DLG2: variants seen among roughly 807,000 people sequenced by gnomAD.
DLG2 encodes disks large homolog 2.
Under a neutral mutation model 132.5 loss-of-function variants are expected in DLG2, and 45 were observed. The observed-to-expected ratio is 0.34, with a 90% CI of 0.27 to 0.44. The LOEUF (loss-of-function observed/expected upper bound fraction) is 0.44. Ranked by LOEUF, DLG2 falls within the 20% of genes least tolerant of loss-of-function variation. DLG2 has a pLI of 1.00. For missense variants in DLG2, 1,045 were observed against 1,196.9 expected (o/e 0.87, Z 1.87); for synonymous variants, 424 against 419.6 (o/e 1.01, Z -0.13).
At chr11:83,935,571 T>C (rs2081265656) in intron 14 of DLG2, among the ~76,000 whole-genome samples, 1 of 152,182 alleles carries the variant, frequency 6.6e-6, no homozygotes, top group Non-Finnish European at 1.5e-5. Context: ...GGGATTGATC[T>C]AGGTGATTTG....
rs542531351 is a variant in DLG2 at position 85,595,314 on chromosome 11, T to C, written c.40+3343A>G. On this transcript the variant is annotated intron_variant, in intron 3 of 27. Transcript: ENST00000376104. ...TTGGAATATTAATGAACACTGATTATTATTATTTTATTTAGCTATTCTAAA... is the reference window on the plus strand; with the variant it reads ...TTGGAATATTAATGAACACTGATTACTATTATTTTATTTAGCTATTCTAAA... 5.3e-5 allele frequency among the ~76,000 whole-genome samples: 8 copies of C among 152,250 alleles called. No homozygotes were observed. The South Asian group carries it at 6.2e-4, about 12-fold the overall frequency.
intron 22 of DLG2, among the ~76,000 whole-genome samples, chr11:83,473,847 A>G (rs1196884230): frequency 2.6e-5 from 4 of 152,096 alleles, no homozygotes; most frequent in Admixed American, 6.6e-5. Flanking sequence ...GTAATTTCAT[A>G]AGAAGAGTTA....
intron 18 of DLG2, among the ~76,000 whole-genome samples, chr11:83,736,442 C>CA (rs11289593): frequency 5.3e-4 from 78 of 148,286 alleles, no homozygotes; most frequent in South Asian, 4.3e-3. Context: ...TTTTTAGATA[C>CA]AAAAAAAAAA....
chr11:85,014,649 C>T (rs1400295549), intron 6 of DLG2, among the ~76,000 whole-genome samples: 1 of 152,126 alleles, frequency 6.6e-6, no homozygotes, highest in African/African-American at 2.4e-5. Context: ...TTGGTTTTAA[C>T]CCTCCAGAAG....
At chr11:84,598,500 C>T (rs957966691) in intron 6 of DLG2, among the ~76,000 whole-genome samples, 1 of 152,290 alleles carries the variant, frequency 6.6e-6, no homozygotes, top group Admixed American at 6.5e-5. Flanking sequence ...TACATTTTAT[C>T]TAATCCTATT....
rs143057311 is a variant in DLG2, at chr11:83,856,298, C to T, written c.1565+18122G>A. ...TGAATAGTGCTGCAATGAACATATG[C>T]TTGAATTTTCTTTATAATAGAACAA... On this transcript the variant is annotated intron_variant, in intron 16 of 27. Coordinates refer to ENST00000376104, the MANE Select transcript of DLG2 (RefSeq NM_001142699.3). 1.1e-3 allele frequency among the ~76,000 whole-genome samples: 174 copies of T among 152,150 alleles called. 2 individuals carry two copies. The East Asian group carries it at 0.032, about 28-fold the overall frequency.
intron 6 of DLG2, among the ~76,000 whole-genome samples, chr11:84,550,163 C>T (rs1743218115): frequency 6.6e-6 from 1 of 151,518 alleles, no homozygotes; most frequent in African/African-American, 2.4e-5. Flanking sequence ...CACACACATG[C>T]ATGTATATGC....
intron 3 of DLG2, among the ~76,000 whole-genome samples, chr11:85,366,454 T>C (rs1349027444): frequency 6.6e-6 from 1 of 152,180 alleles, no homozygotes; most frequent in Admixed American, 6.5e-5. Flanking sequence ...GTATGGGCAT[T>C]AGAAACAGGA....
In DLG2 at chr11:85,111,791, T is replaced by C; in HGVS notation, c.283-56A>G. ...TATTTATTATGGGCCAGTATGTATA[T>C]ATGCTAGCTGACATGTTTATTATCA... On this transcript the variant is annotated intron_variant, in intron 5 of 27. Coordinates refer to ENST00000376104, the MANE Select transcript of DLG2 (RefSeq NM_001142699.3). 5.4e-6 allele frequency: 7 copies of C among 1,296,960 alleles called. 1 individual carries two copies. In the South Asian group the frequency reaches 7.9e-5, roughly 15 times the overall value. The allele number at this position is 1,296,960 out of a possible 1,614,324, so 80.3% of individuals were successfully genotyped here. A position where few individuals can be genotyped will look rare whatever the true frequency, so the allele number is the denominator to read the frequency against.
intron 18 of DLG2, among the ~76,000 whole-genome samples, chr11:83,670,520 A>G (rs903419198): frequency 6.6e-6 from 1 of 152,074 alleles, no homozygotes; most frequent in Non-Finnish European, 1.5e-5. Context: ...GAAAATGAAT[A>G]CCTTTGGGCT....
chr11:85,415,032 C>T (rs1219804451), intron 3 of DLG2, among the ~76,000 whole-genome samples: 3 of 152,000 alleles, frequency 2.0e-5, no homozygotes, highest in African/African-American at 7.3e-5. Flanking sequence ...CCTGACAGGC[C>T]CCAGTGTATG....
At chr11:85,472,304 T>G (rs1404338493) in intron 3 of DLG2, among the ~76,000 whole-genome samples, 1 of 152,060 alleles carries the variant, frequency 6.6e-6, no homozygotes, top group Non-Finnish European at 1.5e-5. Context: ...CTGTTTTTTG[T>G]TTTTGTTTTT....
chr11:85,570,171 T>G (rs1326136722), intron 3 of DLG2, among the ~76,000 whole-genome samples: 2 of 152,168 alleles, frequency 1.3e-5, no homozygotes, highest in African/African-American at 2.4e-5. Flanking sequence ...CATCACCCAC[T>G]GTAAGCTTGA....
chr11:84,366,493 G>C (rs991001222), intron 7 of DLG2, among the ~76,000 whole-genome samples: 1 of 151,954 alleles, frequency 6.6e-6, no homozygotes, highest in Non-Finnish European at 1.5e-5. Flanking sequence ...TGGACTAAAT[G>C]CTCCAATTAA....
chr11:83,896,504 T>C (rs1057295099), intron 15 of DLG2, among the ~76,000 whole-genome samples: 31 of 152,374 alleles, frequency 2.0e-4, no homozygotes, highest in Admixed American at 1.4e-3. Flanking sequence ...GGACCAGCCA[T>C]ATTTTCTTTT....
chr11:84,071,987 C>T (rs79993538), intron 10 of DLG2, among the ~76,000 whole-genome samples: 2,306 of 152,320 alleles, frequency 0.015, 58 homozygotes, highest in African/African-American at 0.053. Flanking sequence ...CTAGTGAGTG[C>T]AGAAAGAAAT....
At chr11:85,027,079 C>T (rs539108178) in intron 6 of DLG2, among the ~76,000 whole-genome samples, 4 of 150,068 alleles carry the variant, frequency 2.7e-5, no homozygotes, top group Admixed American at 2.0e-4. Flanking sequence ...AGGTGTCAGT[C>T]GCTAAAAGAA....
intron 8 of DLG2, among the ~76,000 whole-genome samples, chr11:84,240,924 C>T (rs951883356): frequency 6.6e-6 from 1 of 152,120 alleles, no homozygotes; most frequent in East Asian, 1.9e-4. Context: ...ATGTTAAAGT[C>T]CAAAGCCGAT....
At chr11:85,244,834 C>T (rs528261511) in intron 4 of DLG2, among the ~76,000 whole-genome samples, 23 of 151,988 alleles carry the variant, frequency 1.5e-4, no homozygotes, top group South Asian at 1.2e-3. Context: ...AGTTGTATTG[C>T]TTTAGAATAA....
Sources: gnomAD v4.1 joint callset for allele counts (sites outside exome capture counted in the v4.1 genomes callset) on GRCh38, gnomAD v4.1.1 for gene constraint, MANE v1.5 for transcripts, NCBI Gene and HGNC (gene_info 2026-07-23, HGNC 2026-07-21) for gene names.